Variants in RGCC observed in about 807,000 individuals in gnomAD.
RGCC encodes the protein regulator of cell cycle.
RGCC carries 15 observed loss-of-function variants against 15.4 expected under a neutral mutation model. That is an observed-to-expected ratio of 0.97 (90% CI 0.65 to 1.50). RGCC has a LOEUF of 1.50. Ranked by LOEUF, RGCC falls within the 40% of genes most tolerant of loss-of-function variation. The pLI is 0.00. For synonymous variants in RGCC, 81 were observed against 78.0 expected (o/e 1.04, Z -0.20); for missense variants, 176 against 189.7 (o/e 0.93, Z 0.42).
Position 41,470,643 on chromosome 13 carries a change from T to C in RGCC, c.*158T>C, listed in dbSNP as rs2043871540. The C allele has an allele frequency of 2.8e-6, 2 of 713,798 alleles. No homozygotes were observed. The highest frequency in any genetic ancestry group is 2.3e-5 in the Admixed American group (1 of 42,952). The allele number at this position is 713,798 out of a possible 1,614,324, so 44.2% of individuals were successfully genotyped here. A position where few individuals can be genotyped will look rare whatever the true frequency, so the allele number is the denominator to read the frequency against. On this transcript the variant is annotated 3_prime_UTR_variant, in exon 5 of 5. Transcript: ENST00000379359. ...TCAGGCTCACCTTAAAATCAGCCCT[T>C]GATCCCATTTCTGGGCAATTTAGAC... is the stretch of plus-strand genomic sequence containing the variant.
chr13:41,469,939 G>A (rs2043867447), intron 4 of RGCC, among the ~76,000 whole-genome samples: 1 of 152,158 alleles, frequency 6.6e-6, no homozygotes, highest in South Asian at 2.1e-4. Context: ...TCTACTACGG[G>A]GGGTCCTGTT....
intron 2 of RGCC, among the ~76,000 whole-genome samples, chr13:41,465,352 T>G (rs2043841815): frequency 6.6e-6 from 1 of 152,208 alleles, no homozygotes. Context: ...CTGCCTGCCT[T>G]GCCTTTGCAC....
intron 3 of RGCC, among the ~76,000 whole-genome samples, chr13:41,467,818 C>A (rs1430070623): frequency 6.6e-6 from 1 of 152,074 alleles, no homozygotes; most frequent in Non-Finnish European, 1.5e-5. Flanking sequence ...AATTCAGAGA[C>A]AGAGCAGTCT....
intron 4 of RGCC, among the ~76,000 whole-genome samples, chr13:41,469,099 A>C (rs1410704312): frequency 6.6e-6 from 1 of 151,830 alleles, no homozygotes; most frequent in Admixed American, 6.6e-5. Flanking sequence ...ATCTCTACTA[A>C]AAAATACAAA....
In RGCC at chr13:41,458,338, T is replaced by C; in HGVS notation, c.103T>C (p.Phe35Leu). 1 of 1,589,392 alleles carries C rather than the reference T, an allele frequency of 6.3e-7. No individual in the cohort carries two copies. Among genetic ancestry groups the C allele is most frequent in the Non-Finnish European group, 8.5e-7 (1 of 1,174,376 alleles). Residue 35 changes from phenylalanine (F) to leucine (L), a missense_variant, in exon 2 of 5, where the codon TTT becomes CTT. Coordinates refer to ENST00000379359, the MANE Select transcript of RGCC (RefSeq NM_014059.3). This position sits in a 1 kb window ranked among gnomAD's most constrained non-coding sequence, Gnocchi z 4.4. ...GGACCTGTCGGACGCGCTGTGCGAGTTTGACGCGGTGCTGGCCGACTTCGC... is the reference window on the plus strand; with the variant it reads ...GGACCTGTCGGACGCGCTGTGCGAGCTTGACGCGGTGCTGGCCGACTTCGC... ...AEDLSDALCE[F>L]DAVLADFASP... is the part of the protein sequence containing the mutation.
intron 2 of RGCC, among the ~76,000 whole-genome samples, chr13:41,462,001 G>A (rs1446458755): frequency 1.3e-5 from 2 of 152,230 alleles, no homozygotes; most frequent in African/African-American, 4.8e-5. Context: ...CAACAGTGGA[G>A]AAGTTGAGGA....
chr13:41,468,775 G>T lies in RGCC; in HGVS notation c.344-1G>T. The stretch of plus-strand genomic sequence containing the variant: ...CTCTCTCTCCCTCTCCTGTTTCACA[G>T]CTAAATTAGGAGACACAAAAGAGCT... On this transcript the variant is annotated splice_acceptor_variant, in intron 3 of 4. Coordinates refer to ENST00000379359, the MANE Select transcript of RGCC (RefSeq NM_014059.3). LOFTEE classifies it high-confidence loss of function. 1 of 1,604,610 alleles carries T rather than the reference G, an allele frequency of 6.2e-7. No individual in the cohort carries two copies. Among genetic ancestry groups the T allele is most frequent in the East Asian group, 2.2e-5 (1 of 44,856 alleles).
chr13:41,468,669 C>A, intron 3 of RGCC, 107 bp from the exon 4 acceptor site: 1 of 786,306 alleles, frequency 1.3e-6, no homozygotes, highest in Non-Finnish European at 2.1e-6. Context: ...CATTCTATAA[C>A]TCTGGAAGTT....
Position 41,457,694 on chromosome 13 carries a change from A to C in RGCC, c.-14A>C. On this transcript the variant is annotated 5_prime_UTR_variant, in exon 1 of 5. Coordinates refer to ENST00000379359, the MANE Select transcript of RGCC (RefSeq NM_014059.3). The surrounding 1 kb of genome is among the most constrained non-coding windows in gnomAD (Gnocchi z 4.9). Reference sequence around the variant, plus strand: ...ACCCAAGGCCACGCGCGCCGGGCCCAGCTGAGCCGCCTCATGAAGCCGCCC... The same window carrying C: ...ACCCAAGGCCACGCGCGCCGGGCCCCGCTGAGCCGCCTCATGAAGCCGCCC... The C allele has an allele frequency of 6.7e-7, 1 of 1,488,250 alleles. No individual in the cohort carries two copies. The highest frequency in any genetic ancestry group is 8.9e-7 in the Non-Finnish European group (1 of 1,120,628). 92.2% of individuals were successfully genotyped at this position (1,488,250 alleles called of 1,614,324 possible).
chr13:41,469,280 T>TAAGAAG (rs1413539061), intron 4 of RGCC, among the ~76,000 whole-genome samples: 1 of 112,694 alleles, frequency 8.9e-6, no homozygotes, highest in African/African-American at 3.5e-5. Flanking sequence ...ATAATAATAA[T>TAAGAAG]AATAATAATA....
intron 4 of RGCC, among the ~76,000 whole-genome samples, chr13:41,469,289 TAATAATAAG>T (rs1400726494): frequency 0.017 from 1,705 of 101,046 alleles, 17 homozygotes; most frequent in African/African-American, 0.026. Flanking sequence ...ATAATAATAA[TAATAATAAG>T]AAGAAGAAGA....
chr13:41,466,291 A>ACT lies in RGCC; in HGVS notation c.236-531_236-530insTC, dbSNP rs200618628. On this transcript the variant is annotated intron_variant, in intron 2 of 4. Transcript: ENST00000379359. ...CACACACACACACTTTCACACAAACACACACACACACTTTCTCTCTCACAC... is the reference window on the plus strand; with the variant it reads ...CACACACACACACTTTCACACAAACACTCACACACACACTTTCTCTCTCACAC... 5.4e-3 allele frequency among the ~76,000 whole-genome samples: 818 copies of ACT among 150,570 alleles called. 6 individuals carry two copies. The highest frequency in any genetic ancestry group is 0.019 in the African/African-American group (783 of 40,762).
At chr13:41,468,108 T>C (rs1026541847) in intron 3 of RGCC, among the ~76,000 whole-genome samples, 5 of 152,254 alleles carry the variant, frequency 3.3e-5, no homozygotes, top group Non-Finnish European at 5.9e-5. Flanking sequence ...ACTCGTTTCC[T>C]TGTGTGGGCA....
At chr13:41,466,264 T>TGC (rs1307839709) in intron 2 of RGCC, among the ~76,000 whole-genome samples, 2 of 140,910 alleles carry the variant, frequency 1.4e-5, no homozygotes, top group Admixed American at 7.0e-5. Flanking sequence ...CACACACTCA[T>TGC]GCACACACAC....
intron 4 of RGCC, among the ~76,000 whole-genome samples, chr13:41,469,283 T>TAAGAAGAAG (rs1232529655): frequency 1.7e-5 from 2 of 115,790 alleles, no homozygotes; most frequent in Admixed American, 9.6e-5. Flanking sequence ...ATAATAATAA[T>TAAGAAGAAG]AATAATAATA....
At chr13:41,462,150 A>G (rs1233728988) in intron 2 of RGCC, among the ~76,000 whole-genome samples, 1 of 152,082 alleles carries the variant, frequency 6.6e-6, no homozygotes, top group Non-Finnish European at 1.5e-5. Context: ...TTCTTGGTTA[A>G]TTACTATAGT....
chr13:41,465,281 G>A (rs1360581109), intron 2 of RGCC, among the ~76,000 whole-genome samples: 1 of 152,184 alleles, frequency 6.6e-6, no homozygotes, highest in Non-Finnish European at 1.5e-5. Context: ...GGCTGGCTTT[G>A]TGTTTTGTTT....
At chr13:41,459,946 C>T (rs540407787) in intron 2 of RGCC, among the ~76,000 whole-genome samples, 9 of 152,330 alleles carry the variant, frequency 5.9e-5, no homozygotes, top group South Asian at 2.1e-4. Flanking sequence ...GGTCTGAGCG[C>T]GCCCATTCAT....
Position 41,457,823 on chromosome 13 carries a change from C to G in RGCC, c.49+67C>G. The G allele has an allele frequency of 7.4e-7, 1 of 1,351,640 alleles. No homozygotes were observed. The highest frequency in any genetic ancestry group is 9.5e-7 in the Non-Finnish European group (1 of 1,051,510). 83.7% of individuals were successfully genotyped at this position (1,351,640 alleles called of 1,614,324 possible). On this transcript the variant is annotated intron_variant, in intron 1 of 4. Transcript: ENST00000379359. This position sits in a 1 kb window ranked among gnomAD's most constrained non-coding sequence, Gnocchi z 4.9. ...CAGATGGCGGGTGAGAAAGGAGGGG[C>G]CCCGTGTCGTCCCTTCACACCCCCC...
Sources: allele counts gnomAD v4.1 joint callset (sites outside exome capture counted in the v4.1 genomes callset), GRCh38; gene constraint gnomAD v4.1.1; non-coding constraint Gnocchi (gnomAD v3.1); transcripts MANE v1.5; gene names NCBI Gene and HGNC (gene_info 2026-07-23, HGNC 2026-07-21).